The following ZNF385D variants were observed in gnomAD, a reference collection of about 807,000 sequenced individuals.
The protein encoded by ZNF385D is zinc finger protein 659.
In ZNF385D, 15 loss-of-function variants were observed where a neutral mutation model predicts 35.8. The observed-to-expected ratio is 0.42, with a 90% confidence interval of 0.28 to 0.64. ZNF385D has a LOEUF of 0.64. Among genes scored for constraint, ZNF385D ranks in the 30% least tolerant of loss-of-function variants. ZNF385D has a pLI of 0.23. For synonymous variants in ZNF385D, 212 were observed against 186.8 expected (o/e 1.13, Z -1.10); for missense variants, 474 against 494.6 (o/e 0.96, Z 0.39).
chr3:22,107,189 A>C (rs1350402616), intron 3 of ZNF385D, among the ~76,000 whole-genome samples: 1 of 151,654 alleles, frequency 6.6e-6, no homozygotes, highest in East Asian at 1.9e-4. Context: ...ACACCTAGCT[A>C]ATTTTTTATT....
intron 3 of ZNF385D, among the ~76,000 whole-genome samples, chr3:22,100,723 A>C (rs991696485): frequency 6.6e-6 from 1 of 151,494 alleles, no homozygotes; most frequent in African/African-American, 2.4e-5. Flanking sequence ...TGGGAGATAT[A>C]CCTAATGCTA....
intron 2 of ZNF385D, among the ~76,000 whole-genome samples, chr3:21,641,996 T>C (rs1350486160): frequency 6.6e-6 from 1 of 152,096 alleles, no homozygotes; most frequent in Non-Finnish European, 1.5e-5. Context: ...TCTTCCCTTT[T>C]CTTTGTCACC....
intron 2 of ZNF385D, among the ~76,000 whole-genome samples, chr3:22,208,694 A>C (rs918964780): frequency 6.8e-5 from 10 of 146,546 alleles, no homozygotes; most frequent in African/African-American, 2.1e-4. Flanking sequence ...CACACCTATT[A>C]TGTACCCACA....
intron 3 of ZNF385D, among the ~76,000 whole-genome samples, chr3:21,868,308 A>C (rs1260149286): frequency 6.6e-6 from 1 of 152,106 alleles, no homozygotes; most frequent in Non-Finnish European, 1.5e-5. Flanking sequence ...CAACAGGAAA[A>C]ATTTTGCCTA....
chr3:22,137,439 C>A (rs557366665), intron 3 of ZNF385D, among the ~76,000 whole-genome samples: 1 of 152,112 alleles, frequency 6.6e-6, no homozygotes, highest in Non-Finnish European at 1.5e-5. Context: ...ACTGGCAAAT[C>A]GAATCCAACA....
chr3:22,069,799 G>T (rs988476194), intron 3 of ZNF385D, among the ~76,000 whole-genome samples: 1 of 152,016 alleles, frequency 6.6e-6, no homozygotes, highest in Admixed American at 6.6e-5. Flanking sequence ...TTCTTCTTCT[G>T]TCCCATGAAA....
At chr3:21,529,977 G>T (rs1559376711) in intron 3 of ZNF385D, among the ~76,000 whole-genome samples, 2 of 152,122 alleles carry the variant, frequency 1.3e-5, no homozygotes, top group Non-Finnish European at 2.9e-5. Flanking sequence ...GGAGGTGTTT[G>T]GGTCATGGGG....
chr3:21,797,511 T>G (rs1262884067), intron 3 of ZNF385D, among the ~76,000 whole-genome samples: 1 of 152,226 alleles, frequency 6.6e-6, no homozygotes, highest in East Asian at 1.9e-4. Flanking sequence ...AGTTGAAAAG[T>G]TATGTCCACA....
At chr3:21,764,533 A>G (rs1316073335) in intron 3 of ZNF385D, among the ~76,000 whole-genome samples, 1 of 152,212 alleles carries the variant, frequency 6.6e-6, no homozygotes, top group African/African-American at 2.4e-5. Flanking sequence ...TCTACATGCC[A>G]GCCAATGAAA....
intron 2 of ZNF385D, among the ~76,000 whole-genome samples, chr3:22,183,846 T>A (rs886641636): frequency 3.3e-5 from 5 of 152,080 alleles, no homozygotes; most frequent in East Asian, 3.9e-4. Flanking sequence ...GTTTTTTTTT[T>A]AAATTTAGTT....
chr3:21,530,797 C>T (rs190910550), intron 3 of ZNF385D, among the ~76,000 whole-genome samples: 1 of 152,192 alleles, frequency 6.6e-6, no homozygotes, highest in Non-Finnish European at 1.5e-5. Flanking sequence ...AAGAGAGCAC[C>T]ACCTCTGAGA....
Position 21,824,327 on chromosome 3 carries a change from C to A in ZNF385D, c.326-159299G>T, listed in dbSNP as rs527262743. Reference sequence around the variant, plus strand: ...TAGTAATGGTGCTTTTTATAAAAAACAACTGTTGAGACACATTTGTCCATA... The same window carrying A: ...TAGTAATGGTGCTTTTTATAAAAAAAAACTGTTGAGACACATTTGTCCATA... On this transcript the variant is annotated intron_variant, in intron 3 of 5. Transcript: ENST00000494108. 4.6e-5 allele frequency among the ~76,000 whole-genome samples: 7 copies of A among 152,240 alleles called. No individual in the cohort carries two copies. The South Asian group carries it at 1.5e-3, about 32-fold the overall frequency.
chr3:21,727,526 C>T (rs150332849), intron 1 of ZNF385D, among the ~76,000 whole-genome samples: 4,862 of 152,288 alleles, frequency 0.032, 143 homozygotes, highest in South Asian at 0.1. Flanking sequence ...ACAGACACTT[C>T]TCAAAAGGAG....
At chr3:21,722,324 C>T (rs760369140) in intron 1 of ZNF385D, among the ~76,000 whole-genome samples, 1 of 152,172 alleles carries the variant, frequency 6.6e-6, no homozygotes, top group Non-Finnish European at 1.5e-5. Flanking sequence ...GAACAATAGA[C>T]ATTTTGTAGG....
At chr3:21,777,529 G>A (rs555934068) in intron 3 of ZNF385D, 1 of 152,020 alleles carries the variant, frequency 6.6e-6, no homozygotes, top group South Asian at 2.1e-4. Context: ...AACATGATCA[G>A]ACAGAGAGAG....
intron 2 of ZNF385D, among the ~76,000 whole-genome samples, chr3:22,179,209 A>G (rs1346887807): frequency 6.6e-6 from 1 of 152,108 alleles, no homozygotes; most frequent in Non-Finnish European, 1.5e-5. Context: ...GATTCTTCCT[A>G]CCCATGAGCA....
At chr3:22,208,718 A>T (rs1025478694) in intron 2 of ZNF385D, among the ~76,000 whole-genome samples, 4 of 27,598 alleles carry the variant, frequency 1.4e-4, no homozygotes, top group Admixed American at 8.4e-4. Context: ...AGTAAAAATT[A>T]AAAAAAAAAT....
At chr3:21,430,698 C>G (rs2125216334) in intron 5 of ZNF385D, among the ~76,000 whole-genome samples, 1 of 152,270 alleles carries the variant, frequency 6.6e-6, no homozygotes, top group East Asian at 1.9e-4. Context: ...TAGACACACA[C>G]TGAAAAATCT....
intron 3 of ZNF385D, among the ~76,000 whole-genome samples, chr3:21,808,179 T>C (rs2072739963): frequency 6.6e-6 from 1 of 152,086 alleles, no homozygotes; most frequent in Non-Finnish European, 1.5e-5. Context: ...GATAAGAAAA[T>C]TAGTATCAAA....
Sources: allele counts gnomAD v4.1 joint callset (sites outside exome capture counted in the v4.1 genomes callset), GRCh38; gene constraint gnomAD v4.1.1; transcripts MANE v1.5; gene names NCBI Gene and HGNC (gene_info 2026-07-23, HGNC 2026-07-21).